Variants in CREBRF observed in about 807,000 individuals in gnomAD.
CREBRF encodes the protein CREB3 regulatory factor.
CREBRF carries 5 observed loss-of-function variants against 66.1 expected under a neutral mutation model. That is an observed-to-expected ratio of 0.08 (90% confidence interval 0.04 to 0.16). CREBRF has a LOEUF of 0.16. CREBRF is among the 10% of genes least tolerant of loss of function. CREBRF has a pLI of 1.00. For synonymous variants in CREBRF, 229 were observed against 264.4 expected, an observed-to-expected ratio of 0.87 and a Z score of 1.30; for missense variants, 531 against 744.9, an observed-to-expected ratio of 0.71 and a Z score of 3.34.
chr5:173,073,854 C>A (rs959896979), intron 1 of CREBRF, among the ~76,000 whole-genome samples: 1 of 152,100 alleles, frequency 6.6e-6, no homozygotes, highest in Admixed American at 6.5e-5. Flanking sequence ...GTAGTCCCAG[C>A]TACTCGGGAA....
At chr5:173,082,969 G>C (rs540402622) in intron 2 of CREBRF, among the ~76,000 whole-genome samples, 2 of 132,020 alleles carry the variant, frequency 1.5e-5, no homozygotes, top group East Asian at 4.9e-4. Flanking sequence ...GCTTGCACCT[G>C]TAATCCCAGC....
intron 7 of CREBRF, 119 bp downstream of exon 7, chr5:173,112,498 A>C: frequency 1.6e-6 from 1 of 636,460 alleles, no homozygotes; most frequent in East Asian, 2.9e-5. Context: ...CTAGCCTCCT[A>C]TTTGTTTATC....
chr5:173,062,918 T>G (rs1252825637), intron 1 of CREBRF, among the ~76,000 whole-genome samples: 1 of 151,870 alleles, frequency 6.6e-6, no homozygotes, highest in Non-Finnish European at 1.5e-5. Context: ...CGGCTAATTT[T>G]TTGTATTTTT....
intron 1 of CREBRF, among the ~76,000 whole-genome samples, chr5:173,078,229 T>C (rs1581667999): frequency 1.3e-5 from 2 of 152,232 alleles, no homozygotes; most frequent in African/African-American, 4.8e-5. Context: ...TATTTTCCAC[T>C]TTTTGGATAA....
In CREBRF at chr5:173,090,327, A is replaced by G. The variant is rs1758290136; in HGVS notation, c.148A>G (p.Asn50Asp). 6.3e-7 allele frequency: 1 copy of G among 1,593,684 alleles called. No homozygotes were observed. The highest frequency in any genetic ancestry group is 8.6e-7 in the Non-Finnish European group (1 of 1,163,646). ...DFMYELDREMNYQQNPRDNFL... is the reference protein window; with the variant it reads ...DFMYELDREMDYQQNPRDNFL... Reference sequence around the variant, plus strand: ...AAACCTTTCTCAGGATAGAGAGATGAACTACCAACAGAATCCTAGAGACAA... The same window carrying G: ...AAACCTTTCTCAGGATAGAGAGATGGACTACCAACAGAATCCTAGAGACAA... The change falls in exon 4 of 9, where the codon AAC becomes GAC. Residue 50 changes from asparagine (N) to aspartate (D), a missense_variant. Asn to Asp is a conservative substitution (Grantham distance 23). Transcript: ENST00000296953. This position sits in a 1 kb window ranked among gnomAD's most constrained non-coding sequence, Gnocchi z 4.5.
chr5:173,087,712 A>G (rs908061346), intron 3 of CREBRF, among the ~76,000 whole-genome samples: 27 of 151,800 alleles, frequency 1.8e-4, no homozygotes, highest in African/African-American at 6.3e-4. Flanking sequence ...GCTTCTGGGT[A>G]TGGTGGCTCA....
rs1471171916 is a variant in CREBRF at position 173,135,984 on chromosome 5, G to T, written c.*2239G>T. 6.6e-6 allele frequency: 1 copy of T among 152,352 alleles called. No homozygotes were observed. Among genetic ancestry groups the T allele is most frequent in the Non-Finnish European group, 1.5e-5 (1 of 67,918 alleles). 9.4% of individuals were successfully genotyped at this position (152,352 alleles called of 1,614,324 possible). A position where few individuals can be genotyped will look rare whatever the true frequency, so the allele number is the denominator to read the frequency against. Reference sequence around the variant, plus strand: ...ATCGTTTAAAGCTTTTCCTTTTTAGGTTGGAGAAGGCAAAACACAGGCTTG... The same window carrying T: ...ATCGTTTAAAGCTTTTCCTTTTTAGTTTGGAGAAGGCAAAACACAGGCTTG... On this transcript the variant is annotated 3_prime_UTR_variant, in exon 9 of 9. Transcript: ENST00000296953.
rs1005473654 is a variant in CREBRF, at chr5:173,108,802, A to G, written c.1401A>G (p.Lys467=). ...RDTLPSNMYQ[K]NGLHHGKYAV... ...CTTTGCCAAGTAATATGTATCAGAA[A>G]AATGGCTTACATCATGGTAAGAGGG... The change falls in exon 5 of 9, where the codon AAA becomes AAG. Residue 467 remains lysine, a synonymous_variant. Coordinates refer to ENST00000296953, the MANE Select transcript of CREBRF (RefSeq NM_153607.3). The G allele has an allele frequency of 3.1e-6, 5 of 1,611,618 alleles. No homozygotes were observed. The African/African-American group carries it at 5.3e-5, about 17-fold the overall frequency.
At chr5:173,083,020 A>T (rs1245579115) in intron 2 of CREBRF, among the ~76,000 whole-genome samples, 1 of 148,106 alleles carries the variant, frequency 6.8e-6, no homozygotes, top group Non-Finnish European at 1.5e-5. Flanking sequence ...TGAGGTCAGG[A>T]GTTAGACCAG....
At chr5:173,094,680 C>T (rs1179212777) in intron 4 of CREBRF, among the ~76,000 whole-genome samples, 1 of 152,146 alleles carries the variant, frequency 6.6e-6, no homozygotes, top group Non-Finnish European at 1.5e-5. Context: ...TGGATATTAA[C>T]TCCTTATCAG....
intron 3 of CREBRF, among the ~76,000 whole-genome samples, chr5:173,088,140 C>T (rs113989663): frequency 0.13 from 20,083 of 151,638 alleles, 2,222 homozygotes; most frequent in African/African-American, 0.29. Context: ...AGTATGATGC[C>T]GACAGCAGCT....
rs1405947067 is a variant in CREBRF at position 173,135,268 on chromosome 5, ATTC to A, written c.*1528_*1530del. On this transcript the variant is annotated 3_prime_UTR_variant, in exon 9 of 9. Coordinates refer to ENST00000296953, the MANE Select transcript of CREBRF (RefSeq NM_153607.3). ...CTTCTTCAAACTTAACATGTGACTT[ATTC>A]TTCTATAGTTTCTAGAATTGAGAAA... 2 of 152,316 alleles carry A rather than the reference ATTC, an allele frequency of 1.3e-5. No homozygotes were observed. Among genetic ancestry groups the A allele is most frequent in the Non-Finnish European group, 2.9e-5 (2 of 67,918 alleles). 9.4% of individuals were successfully genotyped at this position (152,316 alleles called of 1,614,324 possible).
intron 6 of CREBRF, among the ~76,000 whole-genome samples, chr5:173,111,943 A>G (rs1278688499): frequency 6.6e-6 from 1 of 152,118 alleles, no homozygotes; most frequent in African/African-American, 2.4e-5. Context: ...AGCCACTTTA[A>G]TAGGTGTGTG....
At chr5:173,119,237 A>T (rs1759080750) in intron 7 of CREBRF, among the ~76,000 whole-genome samples, 1 of 152,122 alleles carries the variant, frequency 6.6e-6, no homozygotes, top group South Asian at 2.1e-4. Context: ...TTTAATTGGG[A>T]TTGCTTTGAA....
At position 173,110,544 on chromosome 5, in the gene CREBRF, A is replaced by G. The variant is rs1378747252; in HGVS notation, c.1440A>G (p.Ser480=). The change falls in exon 6 of 9, where the codon TCA becomes TCG. Residue 480 remains serine, a synonymous_variant. Transcript: ENST00000296953. ...LHHGKYAVKK[S]RRTDVEDLTP... ...TAGGAAAATATGCAGTAAAGAAGTC[A>G]CGGAGAACTGATGTAGAAGACCTGA... is the stretch of plus-strand genomic sequence containing the variant. The G allele has an allele frequency of 1.2e-6, 2 of 1,613,396 alleles. No homozygotes were observed. Among genetic ancestry groups the G allele is most frequent in the African/African-American group, 2.7e-5 (2 of 74,920 alleles).
intron 4 of CREBRF, 22 bp downstream of exon 4, chr5:173,091,423 T>C (rs548945947): frequency 2.5e-6 from 4 of 1,606,516 alleles, no homozygotes; most frequent in Non-Finnish European, 3.4e-6. Context: ...CTTGCAAGCT[T>C]ACCAGACTGA....
chr5:173,100,132 T>A lies in CREBRF; in HGVS notation c.1223-8492T>A, dbSNP rs1232295729. ...TGTGTGTGTGTGTATATATATATAA[T>A]TTTTTTTTTTTTTTTTTTTTTTTAG... is the stretch of plus-strand genomic sequence containing the variant. On this transcript the variant is annotated intron_variant, in intron 4 of 8. Coordinates refer to ENST00000296953, the MANE Select transcript of CREBRF (RefSeq NM_153607.3). Among the ~76,000 whole-genome samples, 123 of 76,654 alleles carry A rather than the reference T, an allele frequency of 1.6e-3. 5 individuals carry two copies. Among genetic ancestry groups the A allele is most frequent in the Non-Finnish European group, 9.9e-4 (38 of 38,218 alleles). The allele number at this position is 76,654 out of a possible 152,430, so 50.3% of individuals were successfully genotyped here. A position where few individuals can be genotyped will look rare whatever the true frequency, so the allele number is the denominator to read the frequency against.
intron 7 of CREBRF, among the ~76,000 whole-genome samples, chr5:173,114,126 GA>G (rs1224540030): frequency 6.6e-6 from 1 of 152,102 alleles, no homozygotes; most frequent in Non-Finnish European, 1.5e-5. Context: ...GGTGAGGGCA[GA>G]AAAAGAATTT....
chr5:173,076,047 C>A (rs1228887063), intron 1 of CREBRF, among the ~76,000 whole-genome samples: 2 of 120,012 alleles, frequency 1.7e-5, no homozygotes, highest in Non-Finnish European at 3.4e-5. Flanking sequence ...ATAATAAGAC[C>A]CCATCTCTAC....
Sources: gnomAD v4.1 joint callset for allele counts (sites outside exome capture counted in the v4.1 genomes callset) on GRCh38, gnomAD v4.1.1 for gene constraint, Gnocchi (gnomAD v3.1) non-coding constraint, MANE v1.5 for transcripts, NCBI Gene and HGNC (gene_info 2026-07-23, HGNC 2026-07-21) for gene names.